SPIRE1: variants seen among roughly 807,000 people sequenced by gnomAD.
SPIRE1 encodes spire type actin nucleation factor 1, also known as protein spire homolog 1.
Under a neutral mutation model 94.1 loss-of-function variants are expected in SPIRE1, and 40 were observed. The ratio of observed to expected loss-of-function variants is 0.43; its 90% CI spans 0.33 to 0.55. The LOEUF (loss-of-function observed/expected upper bound fraction) is 0.55. Ranked by LOEUF, SPIRE1 falls within the 20% of genes least tolerant of loss-of-function variation. The pLI, the probability that SPIRE1 is intolerant of heterozygous loss-of-function variation, is 0.06. For synonymous variants in SPIRE1, 376 were observed against 371.7 expected (o/e 1.01, Z -0.13); for missense variants, 838 against 975.2 (o/e 0.86, Z 1.87).
At chr18:12,561,037 C>A in intron 2 of SPIRE1, among the ~76,000 whole-genome samples, 1 of 152,238 alleles carries the variant, frequency 6.6e-6, no homozygotes, top group South Asian at 2.1e-4. Flanking sequence ...GACCCCATTA[C>A]CCCAGTGATT....
At chr18:12,615,845 C>A (rs1040272654) in intron 2 of SPIRE1, among the ~76,000 whole-genome samples, 9 of 152,168 alleles carry the variant, frequency 5.9e-5, no homozygotes. Context: ...CCTCTCCTTT[C>A]ATTTCCTGCC....
intron 2 of SPIRE1, among the ~76,000 whole-genome samples, chr18:12,594,670 T>G (rs773180194): frequency 4.5e-4 from 68 of 152,216 alleles, no homozygotes; most frequent in Non-Finnish European, 9.0e-4. Context: ...TTCTAATCTT[T>G]CCCTCTTATT....
At position 12,494,744 on chromosome 18, in the gene SPIRE1, C is replaced by G. The variant is rs561464003; in HGVS notation, c.1059+1272G>C. Reference sequence around the variant, plus strand: ...GTCCCAGCTACTTGGTAGGCTGAGGCAGGAGAATGGTGTGAACCCGGGAGG... The same window carrying G: ...GTCCCAGCTACTTGGTAGGCTGAGGGAGGAGAATGGTGTGAACCCGGGAGG... On this transcript the variant is annotated intron_variant, in intron 7 of 16. Coordinates refer to ENST00000409402, the MANE Select transcript of SPIRE1 (RefSeq NM_001128626.2). Among the ~76,000 whole-genome samples the G allele has an allele frequency of 5.3e-4, 77 of 143,990 alleles. 1 individual carries two copies. Among genetic ancestry groups the G allele is most frequent in the African/African-American group, 2.0e-3 (77 of 38,620 alleles). The allele number at this position is 143,990 out of a possible 152,430, so 94.5% of individuals were successfully genotyped here.
intron 6 of SPIRE1, among the ~76,000 whole-genome samples, chr18:12,501,088 A>AAG (rs2033647254): frequency 6.8e-6 from 1 of 147,484 alleles, no homozygotes; most frequent in Admixed American, 6.8e-5. Flanking sequence ...AAAAAAAAAA[A>AAG]AAAAAAAGAA....
intron 1 of SPIRE1, among the ~76,000 whole-genome samples, chr18:12,645,092 CAAAAGAAT>C (rs2038188622): frequency 8.7e-6 from 1 of 115,166 alleles, no homozygotes; most frequent in Non-Finnish European, 1.9e-5. Context: ...CACACACATA[CAAAAGAAT>C]AAAAGAAAAA....
chr18:12,647,210 GT>G (rs1450403474), intron 1 of SPIRE1, among the ~76,000 whole-genome samples: 1 of 152,058 alleles, frequency 6.6e-6, no homozygotes, highest in Non-Finnish European at 1.5e-5. Context: ...AATTTTAAAA[GT>G]TTGTGAGATA....
chr18:12,457,846 C>CTTTTTTTTTTTT (rs201510377), intron 12 of SPIRE1, among the ~76,000 whole-genome samples: 1 of 132,258 alleles, frequency 7.6e-6, no homozygotes, highest in African/African-American at 2.8e-5. Context: ...TTTCTTTTTT[C>CTTTTTTTTTTTT]TTTTTTTTTT....
chr18:12,479,666 T>C, intron 10 of SPIRE1, 33 bp downstream of exon 10: 3 of 1,566,794 alleles, frequency 1.9e-6, no homozygotes, highest in Non-Finnish European at 2.6e-6. Flanking sequence ...CACCCTCATC[T>C]TGGGAGTCAA....
intron 10 of SPIRE1, among the ~76,000 whole-genome samples, chr18:12,479,207 C>T (rs1474388173): frequency 7.1e-6 from 1 of 140,864 alleles, no homozygotes; most frequent in African/African-American, 2.7e-5. Flanking sequence ...CAGAGTCTCA[C>T]TCTGTTGCCC....
intron 2 of SPIRE1, among the ~76,000 whole-genome samples, chr18:12,609,859 G>A (rs1299005670): frequency 2.6e-5 from 4 of 151,534 alleles, no homozygotes; most frequent in African/African-American, 4.9e-5. Context: ...GAGGCTTCCG[G>A]TGTAACCTCC....
chr18:12,593,661 T>A lies in SPIRE1; in HGVS notation c.372+41401A>T, dbSNP rs569624952. 7.2e-5 allele frequency among the ~76,000 whole-genome samples: 11 copies of A among 152,272 alleles called. No individual in the cohort carries two copies. In the South Asian group the frequency reaches 2.1e-3, roughly 29 times the overall value. On this transcript the variant is annotated intron_variant, in intron 2 of 16. Transcript: ENST00000409402. ...AGTGGGAGATACACTTAAGAAAGCATGCAATTGGCCAGGCGGGGTGGCTCA... is the reference window on the plus strand; with the variant it reads ...AGTGGGAGATACACTTAAGAAAGCAAGCAATTGGCCAGGCGGGGTGGCTCA...
intron 1 of SPIRE1, among the ~76,000 whole-genome samples, chr18:12,654,041 G>A (rs1331632880): frequency 2.0e-5 from 3 of 151,632 alleles, no homozygotes; most frequent in Non-Finnish European, 4.4e-5. Flanking sequence ...TAAATACAAT[G>A]AAAAAGAAAG....
Position 12,452,327 on chromosome 18 carries a change from T to G in SPIRE1, c.1940A>C (p.Gln647Pro), listed in dbSNP as rs2031285781. 6.2e-7 allele frequency: 1 copy of G among 1,614,118 alleles called. No individual in the cohort carries two copies. The highest frequency in any genetic ancestry group is 1.3e-5 in the African/African-American group (1 of 75,020). ...PIFSLGPSALQRGESSMRSEK... is the reference protein window; with the variant it reads ...PIFSLGPSALPRGESSMRSEK... ...TGACCTCATACTACTTTCCCCTCTT[T>G]GCAGAGCAGAAGGTCCCAATGAAAA... The change falls in exon 16 of 17, where the codon CAA (glutamine) becomes CCA (proline). Residue 647 changes from glutamine (Q) to proline (P), a missense_variant. Physicochemically the swap from Gln to Pro is moderately conservative, Grantham distance 76. Transcript: ENST00000409402.
intron 2 of SPIRE1, among the ~76,000 whole-genome samples, chr18:12,604,368 C>T (rs2144653897): frequency 6.6e-6 from 1 of 152,268 alleles, no homozygotes; most frequent in Non-Finnish European, 1.5e-5. Flanking sequence ...AGAGAACTGG[C>T]TGCTGGTAGG....
At chr18:12,654,849 G>A (rs949813594) in intron 1 of SPIRE1, among the ~76,000 whole-genome samples, 1 of 151,704 alleles carries the variant, frequency 6.6e-6, no homozygotes, top group African/African-American at 2.4e-5. Context: ...CCAACATGGC[G>A]AAACCCCATT....
chr18:12,661,622 A>C (rs1274587995), upstream of SPIRE1, among the ~76,000 whole-genome samples: 1 of 151,722 alleles, frequency 6.6e-6, no homozygotes, highest in Non-Finnish European at 1.5e-5. Context: ...AAATGCAAAG[A>C]AAATTAGCCA....
chr18:12,527,881 A>G lies in SPIRE1; in HGVS notation c.729+7595T>C, dbSNP rs998274403. ...GGAGATGGAGACCATCCTGGCTAAC[A>G]CGGTGAAACCCCGTCTCTACTAAAA... is the stretch of plus-strand genomic sequence containing the variant. On this transcript the variant is annotated intron_variant, in intron 4 of 16. Transcript: ENST00000409402. Among the ~76,000 whole-genome samples, 4 of 152,220 alleles carry G rather than the reference A, an allele frequency of 2.6e-5. No individual in the cohort carries two copies. In the South Asian group the frequency reaches 6.2e-4, roughly 24 times the overall value.
At chr18:12,536,077 T>A (rs2034832578) in intron 3 of SPIRE1, among the ~76,000 whole-genome samples, 1 of 152,198 alleles carries the variant, frequency 6.6e-6, no homozygotes, top group Non-Finnish European at 1.5e-5. Flanking sequence ...AAGGTCTACA[T>A]AATTATACGG....
chr18:12,490,420 C>T (rs1212984482), intron 8 of SPIRE1, among the ~76,000 whole-genome samples: 2 of 152,074 alleles, frequency 1.3e-5, no homozygotes, highest in East Asian at 1.9e-4. Context: ...AATGCCAATC[C>T]CTCTCAAGCT....
Sources: gnomAD v4.1 joint callset for allele counts (sites outside exome capture counted in the v4.1 genomes callset) on GRCh38, gnomAD v4.1.1 for gene constraint, MANE v1.5 for transcripts, NCBI Gene and HGNC (gene_info 2026-07-23, HGNC 2026-07-21) for gene names.